The following ZBTB7C variants were observed in gnomAD, a reference collection of about 807,000 sequenced individuals.
ZBTB7C encodes zinc finger and BTB domain-containing protein 7C.
Under a neutral mutation model 25.7 loss-of-function variants are expected in ZBTB7C, and 8 were observed. That is an observed-to-expected ratio of 0.31 (90% CI 0.18 to 0.56). The LOEUF (loss-of-function observed/expected upper bound fraction) is 0.56, where lower values mean the gene tolerates loss of function less well. ZBTB7C is among the 20% of genes least tolerant of loss of function. ZBTB7C has a pLI of 0.91. For synonymous variants in ZBTB7C, 394 were observed against 369.0 expected (o/e 1.07, Z -0.78); for missense variants, 824 against 855.2 (o/e 0.96, Z 0.46).
At chr18:48,045,198 C>A (rs1395711628) in intron 3 of ZBTB7C, among the ~76,000 whole-genome samples, 1 of 152,220 alleles carries the variant, frequency 6.6e-6, no homozygotes, top group African/African-American at 2.4e-5. Flanking sequence ...CAGACTGGAG[C>A]CCTCCAGGCA....
intron 3 of ZBTB7C, among the ~76,000 whole-genome samples, chr18:48,182,467 G>A (rs1269671904): frequency 6.6e-6 from 1 of 152,192 alleles, no homozygotes; most frequent in African/African-American, 2.4e-5. Flanking sequence ...ATTCAAGTGA[G>A]GTAAATGGCC....
intron 2 of ZBTB7C, among the ~76,000 whole-genome samples, chr18:48,327,397 T>C (rs780156053): frequency 1.2e-4 from 18 of 152,154 alleles, no homozygotes; most frequent in Non-Finnish European, 2.2e-4. Flanking sequence ...ATACGCTCAT[T>C]TTAAGGCCAT....
At chr18:48,126,800 G>C (rs552994903) in intron 3 of ZBTB7C, among the ~76,000 whole-genome samples, 6 of 152,094 alleles carry the variant, frequency 3.9e-5, no homozygotes, top group Non-Finnish European at 8.8e-5. Flanking sequence ...CATTTGTGTG[G>C]AGGATCTAAA....
intron 2 of ZBTB7C, among the ~76,000 whole-genome samples, chr18:48,247,889 T>C (rs571385089): frequency 1.8e-4 from 27 of 152,338 alleles, no homozygotes; most frequent in Non-Finnish European, 3.8e-4. Flanking sequence ...TTTGGCTGTG[T>C]CCTCACCCAA....
intron 3 of ZBTB7C, among the ~76,000 whole-genome samples, chr18:48,057,070 A>G (rs911324160): frequency 1.3e-5 from 2 of 149,912 alleles, no homozygotes; most frequent in Non-Finnish European, 3.0e-5. Context: ...AAAAAAAAAA[A>G]CCAACCCATG....
intron 3 of ZBTB7C, among the ~76,000 whole-genome samples, chr18:48,155,249 G>C (rs1006749420): frequency 2.8e-4 from 42 of 151,426 alleles, no homozygotes; most frequent in Admixed American, 5.3e-4. Context: ...TTTTTCTCTC[G>C]GGTGCTTGGC....
intron 4 of ZBTB7C, among the ~76,000 whole-genome samples, chr18:48,036,614 G>A (rs1379216210): frequency 2.6e-5 from 4 of 152,312 alleles, no homozygotes; most frequent in East Asian, 3.9e-4. Flanking sequence ...AATCATGTCC[G>A]AGAGAAGGAC....
chr18:48,193,673 C>A (rs961357570), intron 2 of ZBTB7C, among the ~76,000 whole-genome samples: 1 of 152,200 alleles, frequency 6.6e-6, no homozygotes, highest in South Asian at 2.1e-4. Flanking sequence ...TGCTCCCCTC[C>A]CCAGCAGGAT....
chr18:48,333,916 G>C (rs905502631), intron 2 of ZBTB7C, among the ~76,000 whole-genome samples: 1 of 152,154 alleles, frequency 6.6e-6, no homozygotes, highest in Admixed American at 6.5e-5. Context: ...CATTTATCCT[G>C]CAGACTTTGC....
At position 48,114,275 on chromosome 18, in the gene ZBTB7C, C is replaced by A. The variant is rs149257805; in HGVS notation, c.-17+71659G>T. Among the ~76,000 whole-genome samples the A allele has an allele frequency of 1.8e-3, 278 of 152,266 alleles. 1 individual carries two copies. Among genetic ancestry groups the A allele is most frequent in the African/African-American group, 6.2e-3 (257 of 41,550 alleles). ...TGCACACCCTCTGACCCAGCAATCCCACTCTCGGACATGAGCTCCAGGAGA... is the reference window on the plus strand; with the variant it reads ...TGCACACCCTCTGACCCAGCAATCCAACTCTCGGACATGAGCTCCAGGAGA... On this transcript the variant is annotated intron_variant, in intron 3 of 4. Coordinates refer to ENST00000590800, the MANE Select transcript of ZBTB7C (RefSeq NM_001318841.2).
chr18:48,340,660 G>A (rs1177136431), intron 1 of ZBTB7C, among the ~76,000 whole-genome samples: 1 of 152,218 alleles, frequency 6.6e-6, no homozygotes, highest in East Asian at 1.9e-4. Flanking sequence ...GGCGTGGGGA[G>A]GGTGAGGATA....
intron 3 of ZBTB7C, among the ~76,000 whole-genome samples, chr18:48,121,592 T>C (rs1733662058): frequency 1.3e-5 from 2 of 152,068 alleles, no homozygotes; most frequent in African/African-American, 4.8e-5. Context: ...TATGAGGGTG[T>C]CTCCCTAGGG....
chr18:48,233,976 G>C (rs184981155), intron 2 of ZBTB7C, among the ~76,000 whole-genome samples: 35 of 152,222 alleles, frequency 2.3e-4, no homozygotes, highest in Non-Finnish European at 4.0e-4. Flanking sequence ...TCTCCGCTCA[G>C]TTCCTTCCAA....
rs982500489 is a variant in ZBTB7C, at chr18:48,231,127, G to C, written c.-78-45132C>G. Among the ~76,000 whole-genome samples the C allele has an allele frequency of 2.0e-5, 3 of 152,182 alleles. No individual in the cohort carries two copies. In the East Asian group the frequency reaches 5.8e-4, roughly 29 times the overall value. On this transcript the variant is annotated intron_variant, in intron 2 of 4. Transcript: ENST00000590800. ...GGCGCACTGGCACTGTGGATGGCCG[G>C]TTAATGGTAGCAGGAGGCAGACAGG... is the stretch of plus-strand genomic sequence containing the variant.
chr18:48,102,726 G>A (rs2038876672), intron 3 of ZBTB7C, among the ~76,000 whole-genome samples: 1 of 152,130 alleles, frequency 6.6e-6, no homozygotes. Context: ...GCCCTAAATA[G>A]ACAGAGGTTT....
chr18:48,373,976 A>G (rs4940359), intron 1 of ZBTB7C, among the ~76,000 whole-genome samples: 101,178 of 148,364 alleles, frequency 0.68, 34,609 homozygotes, highest in East Asian at 0.81. Context: ...AAAAAAAAGC[A>G]TGTGGCACCT....
intron 2 of ZBTB7C, among the ~76,000 whole-genome samples, chr18:48,307,337 A>C (rs2045699759): frequency 6.6e-6 from 1 of 152,172 alleles, no homozygotes; most frequent in African/African-American, 2.4e-5. Flanking sequence ...CTGTCACCAT[A>C]AACTGTCAAA....
chr18:48,103,049 A>G (rs999454493), intron 3 of ZBTB7C, among the ~76,000 whole-genome samples: 3 of 146,856 alleles, frequency 2.0e-5, no homozygotes, highest in Non-Finnish European at 4.5e-5. Flanking sequence ...TTTATATTAT[A>G]TATATATCTT....
Position 48,140,054 on chromosome 18 carries a change from C to T in ZBTB7C, c.-17+45880G>A, listed in dbSNP as rs144138757. Among the ~76,000 whole-genome samples, 717 of 152,328 alleles carry T rather than the reference C, an allele frequency of 4.7e-3. 5 individuals are homozygous for T. Among genetic ancestry groups the T allele is most frequent in the Admixed American group, 7.5e-3 (115 of 15,304 alleles). ...CCTGACTTTCACAGCTGGCTCCAAA[C>T]TCAACAACTCACTCATGTTCCAGTG... On this transcript the variant is annotated intron_variant, in intron 3 of 4. Coordinates refer to ENST00000590800, the MANE Select transcript of ZBTB7C (RefSeq NM_001318841.2).
Sources: allele counts gnomAD v4.1 joint callset (sites outside exome capture counted in the v4.1 genomes callset), GRCh38; gene constraint gnomAD v4.1.1; transcripts MANE v1.5; gene names NCBI Gene and HGNC (gene_info 2026-07-23, HGNC 2026-07-21).